PDE1C: variants seen among roughly 807,000 people sequenced by gnomAD.
The protein encoded by PDE1C is phosphodiesterase 1C.
PDE1C carries 62 observed loss-of-function variants against 93.1 expected under a neutral mutation model. That is an observed-to-expected ratio of 0.67 (90% CI 0.54 to 0.82). PDE1C has a LOEUF of 0.82. PDE1C is among the 40% of genes least tolerant of loss of function. The probability of loss-of-function intolerance (pLI) is 0.00; values close to 1 mark genes in which losing one functional copy is unlikely to be tolerated. For missense variants in PDE1C, 742 were observed against 884.6 expected (o/e 0.84, Z 2.04); for synonymous variants, 325 against 310.1 (o/e 1.05, Z -0.50).
the PDE1C span, among the ~76,000 whole-genome samples, chr7:31,619,947 G>C: frequency 1.3e-5 from 2 of 152,192 alleles, no homozygotes; most frequent in East Asian, 3.9e-4. Flanking sequence ...GGCGCACCAG[G>C]AGACTATATC....
chr7:31,839,507 A>G (rs1248102064), intron 9 of PDE1C, among the ~76,000 whole-genome samples: 1 of 152,042 alleles, frequency 6.6e-6, no homozygotes, highest in Non-Finnish European at 1.5e-5. Context: ...TGGTTCATCA[A>G]TAGTTCATTT....
chr7:31,688,454 G>A, the PDE1C span, among the ~76,000 whole-genome samples: 2 of 152,230 alleles, frequency 1.3e-5, no homozygotes, highest in Non-Finnish European at 2.9e-5. Flanking sequence ...ATCCAGACCA[G>A]CTTCTGACCA....
chr7:31,974,927 T>C (rs1811451999), intron 2 of PDE1C, among the ~76,000 whole-genome samples: 1 of 152,138 alleles, frequency 6.6e-6, no homozygotes, highest in Non-Finnish European at 1.5e-5. Context: ...TGGAAAAATA[T>C]CCTGCAGGTT....
the PDE1C span, among the ~76,000 whole-genome samples, chr7:31,661,246 G>A: frequency 6.6e-6 from 1 of 152,034 alleles, no homozygotes; most frequent in African/African-American, 2.4e-5. Context: ...ATAAAACAAT[G>A]TCAATTAGAA....
At chr7:31,832,192 A>G (rs1267935854) in intron 11 of PDE1C, among the ~76,000 whole-genome samples, 1 of 152,234 alleles carries the variant, frequency 6.6e-6, no homozygotes, top group Non-Finnish European at 1.5e-5. Flanking sequence ...CGTGTAATAA[A>G]TAAAAATGGG....
the PDE1C span, chr7:31,658,481 A>G: frequency 2.3e-5 from 27 of 1,181,562 alleles, no homozygotes; most frequent in Non-Finnish European, 3.0e-5. Flanking sequence ...TTAGAGTATC[A>G]AAGTGGTGCC....
the PDE1C span, among the ~76,000 whole-genome samples, chr7:31,698,172 T>C: frequency 6.6e-6 from 1 of 152,190 alleles, no homozygotes; most frequent in Non-Finnish European, 1.5e-5. Flanking sequence ...GCTGTTGTTA[T>C]AAAACTATAT....
chr7:31,673,300 A>T, the PDE1C span, among the ~76,000 whole-genome samples: 1 of 152,180 alleles, frequency 6.6e-6, no homozygotes, highest in African/African-American at 2.4e-5. Flanking sequence ...TAATTAGAGA[A>T]GCTGACAGGA....
the PDE1C span, among the ~76,000 whole-genome samples, chr7:31,635,088 T>C: frequency 6.6e-6 from 1 of 152,100 alleles, no homozygotes; most frequent in Non-Finnish European, 1.5e-5. Context: ...ACATATTAGG[T>C]GTGAGGGTGT....
In PDE1C at chr7:31,878,980, T is replaced by C; in HGVS notation, c.425+16A>G. On this transcript the variant is annotated intron_variant, in intron 4 of 17. Transcript: ENST00000396191. The stretch of plus-strand genomic sequence containing the variant: ...GGCTGCTTTAGTCACTAAATGACAA[T>C]GAATGACATCTTTACCTCTCCACAA... The C allele has an allele frequency of 6.2e-7, 1 of 1,605,892 alleles. No individual in the cohort carries two copies.
At chr7:32,095,629 T>C (rs1012683293) in intron 3 of PDE1C, among the ~76,000 whole-genome samples, 2 of 152,200 alleles carry the variant, frequency 1.3e-5, no homozygotes, top group Non-Finnish European at 2.9e-5. Context: ...ATGTGTGGCT[T>C]TTCTTCATCC....
chr7:31,732,636 TTC>T, the PDE1C span, among the ~76,000 whole-genome samples: 112 of 103,206 alleles, frequency 1.1e-3, no homozygotes, highest in African/African-American at 2.2e-3. Flanking sequence ...TCTCCTCTCT[TTC>T]TGTGTGTGTG....
intron 2 of PDE1C, among the ~76,000 whole-genome samples, chr7:31,993,993 T>C (rs761100178): frequency 6.6e-6 from 1 of 152,148 alleles, no homozygotes; most frequent in Non-Finnish European, 1.5e-5. Flanking sequence ...TAACCTCCAA[T>C]GAAGGGCAAC....
At chr7:32,384,100 T>C (rs1245770279) in intron 1 of PDE1C, among the ~76,000 whole-genome samples, 2 of 152,176 alleles carry the variant, frequency 1.3e-5, no homozygotes, top group Non-Finnish European at 2.9e-5. Flanking sequence ...ACCAAATATT[T>C]CCTTTATCTC....
chr7:31,644,462 T>C, the PDE1C span, among the ~76,000 whole-genome samples: 1 of 152,158 alleles, frequency 6.6e-6, no homozygotes, highest in African/African-American at 2.4e-5. Context: ...CTCTAGGTAA[T>C]GTTAATTGTG....
At chr7:31,668,355 A>C in the PDE1C span, among the ~76,000 whole-genome samples, 1 of 152,212 alleles carries the variant, frequency 6.6e-6, no homozygotes, top group Non-Finnish European at 1.5e-5. Flanking sequence ...GTATGTTCAC[A>C]CAAAGACATG....
chr7:32,169,853 T>TG lies in PDE1C; in HGVS notation c.239dup (p.Glu81ArgfsTer6), dbSNP rs765099236. On this transcript the variant is annotated frameshift_variant, in exon 3 of 19. Coordinates refer to the PDE1C transcript ENST00000396193. LOFTEE classifies it high-confidence loss of function. ...GCAATTCATCAGCTAGGATCTCCTC[T>TG]GGGGGTCGAGGGTCATGGACAATTG... is the stretch of plus-strand genomic sequence containing the variant. 6.2e-7 allele frequency: 1 copy of TG among 1,612,626 alleles called. No individual in the cohort carries two copies. The highest frequency in any genetic ancestry group is 1.1e-5 in the South Asian group (1 of 91,072).
At chr7:32,263,803 G>A (rs1194911321) in intron 1 of PDE1C, among the ~76,000 whole-genome samples, 2 of 152,100 alleles carry the variant, frequency 1.3e-5, no homozygotes, top group African/African-American at 4.8e-5. Context: ...ATGTGTGACT[G>A]ATGTTTCCTT....
Position 31,814,061 on chromosome 7 carries a change from C to T in PDE1C, c.1813+1863G>A, listed in dbSNP as rs548597424. Among the ~76,000 whole-genome samples the T allele has an allele frequency of 4.2e-4, 62 of 149,282 alleles. No individual in the cohort carries two copies. In the South Asian group the frequency reaches 9.5e-3, roughly 23 times the overall value. On this transcript the variant is annotated intron_variant, in intron 15 of 17. Transcript: ENST00000396191. ...GTGTATACATATATATGTACACACA[C>T]GCACGCGTGCATATATATGTACACA...
Sources: allele counts gnomAD v4.1 joint callset (sites outside exome capture counted in the v4.1 genomes callset), GRCh38; gene constraint gnomAD v4.1.1; transcripts MANE v1.5; gene names NCBI Gene and HGNC (gene_info 2026-07-23, HGNC 2026-07-21).